Variants in STK39 observed in about 807,000 individuals in gnomAD.
STK39 encodes the protein serine/threonine kinase 39.
In STK39, 20 loss-of-function variants were observed where a neutral mutation model predicts 77.8. The observed-to-expected ratio is 0.26, with a 90% confidence interval of 0.18 to 0.37. The LOEUF is 0.37. Ranked by LOEUF, STK39 falls within the 10% of genes least tolerant of loss-of-function variation. STK39 has a pLI of 1.00. For synonymous variants in STK39, 246 were observed against 234.1 expected, an observed-to-expected ratio of 1.05 and a Z score of -0.47; for missense variants, 479 against 656.5, an observed-to-expected ratio of 0.73 and a Z score of 2.95.
chr2:168,172,225 G>C (rs899544337), intron 2 of STK39, among the ~76,000 whole-genome samples: 1 of 152,216 alleles, frequency 6.6e-6, no homozygotes, highest in South Asian at 2.1e-4. Context: ...TGTGAGCATC[G>C]CCCTAATCTC....
At position 168,202,604 on chromosome 2, in the gene STK39, G is replaced by C. The variant is rs528179357; in HGVS notation, c.209-20514C>G. On this transcript the variant is annotated intron_variant, in intron 1 of 17. Transcript: ENST00000355999. ...CTTGCTTTCCAAGTGGTCATTTACA[G>C]ATGGTTGGTCATGATGCTCTGTCCA... Among the ~76,000 whole-genome samples, 12 of 152,218 alleles carry C rather than the reference G, an allele frequency of 7.9e-5. No homozygotes were observed. The South Asian group carries it at 1.0e-3, about 13-fold the overall frequency.
Position 168,179,436 on chromosome 2 carries a change from T to G in STK39, c.321+2542A>C, listed in dbSNP as rs150979554. Reference sequence around the variant, plus strand: ...AAAACGACCTGGGAGTTGTACATCCTAAAGAACCATAGCCATTTCCCCCCT... The same window carrying G: ...AAAACGACCTGGGAGTTGTACATCCGAAAGAACCATAGCCATTTCCCCCCT... On this transcript the variant is annotated intron_variant, in intron 2 of 17. Transcript: ENST00000355999. 1.2e-4 allele frequency among the ~76,000 whole-genome samples: 18 copies of G among 148,566 alleles called. No homozygotes were observed. In the East Asian group the frequency reaches 3.2e-3, roughly 26 times the overall value.
intron 1 of STK39, among the ~76,000 whole-genome samples, chr2:168,241,933 T>C (rs889531439): frequency 1.5e-4 from 23 of 152,206 alleles, no homozygotes; most frequent in African/African-American, 1.4e-4. Context: ...GTGACCGCCA[T>C]TGCAGGACAT....
chr2:168,200,932 A>G (rs1215628975), intron 1 of STK39, among the ~76,000 whole-genome samples: 3 of 152,212 alleles, frequency 2.0e-5, no homozygotes, highest in African/African-American at 7.2e-5. Context: ...ACTCAGGTAC[A>G]TTAAGACTTA....
At chr2:168,152,113 G>A (rs1574506712) in intron 5 of STK39, among the ~76,000 whole-genome samples, 1 of 152,330 alleles carries the variant, frequency 6.6e-6, no homozygotes, top group East Asian at 1.9e-4. Context: ...TGTGCTGAAG[G>A]TTCCAGGCCA....
At chr2:168,184,434 G>A (rs898897821) in intron 1 of STK39, among the ~76,000 whole-genome samples, 1 of 152,176 alleles carries the variant, frequency 6.6e-6, no homozygotes, top group African/African-American at 2.4e-5. Context: ...CAGTTTGGGA[G>A]ATTCTACTCT....
In STK39 at chr2:168,212,808, C is replaced by T. The variant is rs576277691; in HGVS notation, c.209-30718G>A. On this transcript the variant is annotated intron_variant, in intron 1 of 17. Transcript: ENST00000355999. ...AGCCTAAGGGTCCTCCGATCATCCTCTCCCTCCTGGGTTCCTTGTAAATGT... is the reference window on the plus strand; with the variant it reads ...AGCCTAAGGGTCCTCCGATCATCCTTTCCCTCCTGGGTTCCTTGTAAATGT... Among the ~76,000 whole-genome samples, 7 of 152,334 alleles carry T rather than the reference C, an allele frequency of 4.6e-5. No homozygotes were observed. In the South Asian group the frequency reaches 1.2e-3, roughly 27 times the overall value.
At position 168,228,786 on chromosome 2, in the gene STK39, CAAAT is replaced by C. The variant is rs536858221; in HGVS notation, c.208+18438_208+18441del. Among the ~76,000 whole-genome samples, 8 of 151,998 alleles carry C rather than the reference CAAAT, an allele frequency of 5.3e-5. No homozygotes were observed. In the South Asian group the frequency reaches 8.3e-4, roughly 16 times the overall value. ...CCTGGACAAGAGTGAAACTCCATCT[CAAAT>C]AAATAAATTAATTAAATAAGCTTGG... On this transcript the variant is annotated intron_variant, in intron 1 of 17. Coordinates refer to ENST00000355999, the MANE Select transcript of STK39 (RefSeq NM_013233.3).
intron 10 of STK39, among the ~76,000 whole-genome samples, chr2:168,115,009 T>A (rs1212736220): frequency 6.6e-6 from 1 of 152,112 alleles, no homozygotes; most frequent in Non-Finnish European, 1.5e-5. Flanking sequence ...CTAACTAACT[T>A]TAATGGCCCC....
chr2:168,140,407 GA>G lies in STK39; in HGVS notation c.739-18del. ...GCCTCTCACCTAAGAAAGAAAGCAG[GA>G]AAAAAACACAATCATACAGCAGGCA... is the stretch of plus-strand genomic sequence containing the variant. On this transcript the variant is annotated intron_variant, in intron 6 of 17. Transcript: ENST00000355999. 6.2e-7 allele frequency: 1 copy of G among 1,602,728 alleles called. No homozygotes were observed. The highest frequency in any genetic ancestry group is 8.5e-7 in the Non-Finnish European group (1 of 1,170,340).
At chr2:168,038,400 A>G (rs1018181641) in intron 14 of STK39, among the ~76,000 whole-genome samples, 3 of 151,990 alleles carry the variant, frequency 2.0e-5, no homozygotes, top group Middle Eastern at 3.2e-3. Flanking sequence ...CCACTGCACA[A>G]AAAGTACTTA....
intron 10 of STK39, among the ~76,000 whole-genome samples, chr2:168,081,814 C>T (rs1444039283): frequency 6.6e-6 from 1 of 152,158 alleles, no homozygotes; most frequent in East Asian, 1.9e-4. Context: ...GAATAGATCT[C>T]ACAAGATCTG....
intron 1 of STK39, among the ~76,000 whole-genome samples, chr2:168,222,126 C>G (rs907867017): frequency 1.3e-5 from 2 of 152,086 alleles, no homozygotes; most frequent in African/African-American, 2.4e-5. Flanking sequence ...GCTGAATATT[C>G]CAGTCTGGTT....
chr2:168,200,192 T>C (rs182465740), intron 1 of STK39, among the ~76,000 whole-genome samples: 1 of 152,172 alleles, frequency 6.6e-6, no homozygotes, highest in East Asian at 1.9e-4. Context: ...TCAAAACACA[T>C]GAGAAGTGGG....
At chr2:168,211,702 T>C (rs1313916312) in intron 1 of STK39, among the ~76,000 whole-genome samples, 1 of 152,242 alleles carries the variant, frequency 6.6e-6, no homozygotes, top group African/African-American at 2.4e-5. Context: ...CTTACGTCTC[T>C]GAGGAGCTCA....
intron 16 of STK39, among the ~76,000 whole-genome samples, chr2:167,968,558 G>A (rs1692226498): frequency 6.6e-6 from 1 of 152,196 alleles, no homozygotes; most frequent in Non-Finnish European, 1.5e-5. Flanking sequence ...AAGAGAACCA[G>A]TGAACACGGA....
intron 14 of STK39, among the ~76,000 whole-genome samples, chr2:168,044,009 A>G (rs1685174444): frequency 6.6e-6 from 1 of 152,222 alleles, no homozygotes; most frequent in Non-Finnish European, 1.5e-5. Context: ...CAAATAGAAC[A>G]GCACTTTATC....
chr2:168,040,355 TA>T (rs1685072175), intron 14 of STK39, among the ~76,000 whole-genome samples: 3 of 152,132 alleles, frequency 2.0e-5, no homozygotes. Flanking sequence ...AAGGAAAATA[TA>T]AACCCTTAAG....
chr2:168,102,442 G>T (rs1384049975), intron 10 of STK39, among the ~76,000 whole-genome samples: 3 of 152,092 alleles, frequency 2.0e-5, no homozygotes, highest in African/African-American at 7.2e-5. Flanking sequence ...TTCCTGTTGG[G>T]TATACAAGGA....
Sources: gnomAD v4.1 joint callset for allele counts (sites outside exome capture counted in the v4.1 genomes callset) on GRCh38, gnomAD v4.1.1 for gene constraint, MANE v1.5 for transcripts, NCBI Gene and HGNC (gene_info 2026-07-23, HGNC 2026-07-21) for gene names.